The following PPARGC1A variants were observed in gnomAD, a reference collection of about 807,000 sequenced individuals.
The protein encoded by PPARGC1A is PPARG coactivator 1 alpha.
A neutral mutation model predicts 88.7 loss-of-function variants in PPARGC1A; 25 were observed. The observed-to-expected ratio is 0.28, with a 90% CI of 0.21 to 0.39. PPARGC1A has a LOEUF of 0.39. PPARGC1A is among the 10% of genes least tolerant of loss of function. The pLI, the probability that PPARGC1A is intolerant of heterozygous loss-of-function variation, is 1.00. For synonymous variants in PPARGC1A, 363 were observed against 355.6 expected, an observed-to-expected ratio of 1.02 and a Z score of -0.24; for missense variants, 880 against 968.7, an observed-to-expected ratio of 0.91 and a Z score of 1.22.
chr4:23,970,486 T>C, the PPARGC1A span, among the ~76,000 whole-genome samples: 1 of 152,154 alleles, frequency 6.6e-6, no homozygotes, highest in African/African-American at 2.4e-5. Context: ...AAATCATGAT[T>C]TATATGCTTG....
chr4:24,203,490 CT>C, the PPARGC1A span, among the ~76,000 whole-genome samples: 1 of 152,200 alleles, frequency 6.6e-6, no homozygotes, highest in Admixed American at 6.5e-5. Flanking sequence ...GGGATCTATT[CT>C]TTCAATTCAG....
the PPARGC1A span, among the ~76,000 whole-genome samples, chr4:24,470,525 A>C: frequency 1.3e-5 from 2 of 151,916 alleles, no homozygotes; most frequent in African/African-American, 4.8e-5. This position sits in a 1 kb window ranked among gnomAD's most constrained non-coding sequence, Gnocchi z 5.8. Context: ...CCGGGCCCCG[A>C]TCGTGCTTCT....
the PPARGC1A span, among the ~76,000 whole-genome samples, chr4:24,087,673 G>A: frequency 6.6e-6 from 1 of 152,194 alleles, no homozygotes; most frequent in Non-Finnish European, 1.5e-5. Context: ...ACAGCTCCCT[G>A]GTGGCATAAG....
the PPARGC1A span, among the ~76,000 whole-genome samples, chr4:24,099,634 C>A: frequency 1.3e-5 from 2 of 152,096 alleles, no homozygotes; most frequent in Non-Finnish European, 2.9e-5. Flanking sequence ...TGACCAAATT[C>A]TTTTGATTGC....
At chr4:24,390,324 A>G in the PPARGC1A span, among the ~76,000 whole-genome samples, 6 of 152,086 alleles carry the variant, frequency 3.9e-5, no homozygotes, top group Admixed American at 6.6e-5. Flanking sequence ...GTAGCAATTT[A>G]TATAATAAAT....
the PPARGC1A span, among the ~76,000 whole-genome samples, chr4:24,049,308 G>GTGTATATATA: frequency 0.13 from 18,559 of 139,274 alleles, 1,406 homozygotes; most frequent in East Asian, 0.21. Flanking sequence ...ATATATGTGT[G>GTGTATATATA]TATATATATA....
chr4:24,470,248 G>A, the PPARGC1A span, among the ~76,000 whole-genome samples: 323 of 144,098 alleles, frequency 2.2e-3, 3 homozygotes, highest in African/African-American at 7.7e-3. The surrounding 1 kb of genome is among the most constrained non-coding windows in gnomAD (Gnocchi z 5.8). Flanking sequence ...GACGAGCAGG[G>A]CTTGGTTTCT....
At chr4:24,035,474 G>T in the PPARGC1A span, among the ~76,000 whole-genome samples, 1 of 152,060 alleles carries the variant, frequency 6.6e-6, no homozygotes, top group South Asian at 2.1e-4. Context: ...CTGGGAGAAG[G>T]AGGTTGGGTT....
the PPARGC1A span, among the ~76,000 whole-genome samples, chr4:24,387,838 A>AG: frequency 6.5e-4 from 47 of 72,476 alleles, 1 homozygote; most frequent in South Asian, 7.1e-3. Flanking sequence ...GAAAGAGAGA[A>AG]AGAGAGAGAG....
At chr4:24,315,183 C>T in the PPARGC1A span, among the ~76,000 whole-genome samples, 1 of 151,608 alleles carries the variant, frequency 6.6e-6, no homozygotes, top group East Asian at 1.9e-4. Flanking sequence ...TTCTAACTTG[C>T]TTACTAATTC....
the PPARGC1A span, among the ~76,000 whole-genome samples, chr4:24,156,501 T>C: frequency 6.6e-6 from 1 of 152,122 alleles, no homozygotes; most frequent in South Asian, 2.1e-4. Context: ...GTGGAGAAGA[T>C]CAATCACTCG....
At chr4:24,178,706 TA>T in the PPARGC1A span, among the ~76,000 whole-genome samples, 1 of 152,208 alleles carries the variant, frequency 6.6e-6, no homozygotes, top group East Asian at 1.9e-4. Context: ...CACTAAGAGG[TA>T]CTGCCAGTGC....
At chr4:24,366,448 C>T in the PPARGC1A span, among the ~76,000 whole-genome samples, 1 of 152,114 alleles carries the variant, frequency 6.6e-6, no homozygotes, top group Admixed American at 6.6e-5. Context: ...GACTCAACTA[C>T]CAGTGATCGA....
In PPARGC1A at chr4:23,834,299, C is replaced by CA. The variant is rs556677086; in HGVS notation, c.235-2549dup. Among the ~76,000 whole-genome samples, 425 of 150,880 alleles carry CA rather than the reference C, an allele frequency of 2.8e-3. 3 individuals carry two copies. Among genetic ancestry groups the CA allele is most frequent in the African/African-American group, 9.6e-3 (397 of 41,144 alleles). On this transcript the variant is annotated intron_variant, in intron 2 of 12. Transcript: ENST00000264867. ...TGGGCGACACAGCGAGACTCTGTCT[C>CA]AAAAAAAACATATATATATACACAC...
the PPARGC1A span, among the ~76,000 whole-genome samples, chr4:23,952,267 C>G: frequency 2.0e-5 from 3 of 152,146 alleles, no homozygotes; most frequent in Admixed American, 6.6e-5. Flanking sequence ...TTATTCTTTT[C>G]TCCCCACTCC....
At chr4:24,283,202 T>C in the PPARGC1A span, among the ~76,000 whole-genome samples, 1 of 152,148 alleles carries the variant, frequency 6.6e-6, no homozygotes, top group East Asian at 1.9e-4. Context: ...ACAGACATGA[T>C]TGTTCTCGAC....
chr4:24,370,160 C>A, the PPARGC1A span, among the ~76,000 whole-genome samples: 6 of 151,948 alleles, frequency 3.9e-5, no homozygotes, highest in Non-Finnish European at 8.8e-5. Flanking sequence ...TTTCAATATT[C>A]TTCTATCTAT....
At chr4:24,363,302 A>G in the PPARGC1A span, among the ~76,000 whole-genome samples, 8 of 152,186 alleles carry the variant, frequency 5.3e-5, no homozygotes, top group African/African-American at 1.9e-4. Context: ...TCTAACACTC[A>G]TGTTGGCTCA....
the PPARGC1A span, among the ~76,000 whole-genome samples, chr4:24,308,894 A>C: frequency 6.6e-6 from 1 of 152,190 alleles, no homozygotes; most frequent in South Asian, 2.1e-4. Context: ...TAAAATCTCA[A>C]AGGAGATTGA....
Sources: allele counts gnomAD v4.1 joint callset (sites outside exome capture counted in the v4.1 genomes callset), GRCh38; gene constraint gnomAD v4.1.1; non-coding constraint Gnocchi (gnomAD v3.1); transcripts MANE v1.5; gene names NCBI Gene and HGNC (gene_info 2026-07-23, HGNC 2026-07-21).